MAST2: variants seen among roughly 807,000 people sequenced by gnomAD.
MAST2 encodes microtubule associated serine/threonine kinase 2.
Under a neutral mutation model 147.4 loss-of-function variants are expected in MAST2, and 70 were observed. The observed-to-expected ratio is 0.47, with a 90% confidence interval of 0.39 to 0.58. The LOEUF (loss-of-function observed/expected upper bound fraction) is 0.58, where lower values mean the gene tolerates loss of function less well. Ranked by LOEUF, MAST2 falls within the 20% of genes least tolerant of loss-of-function variation. The pLI is 0.00. For missense variants in MAST2, 2,080 were observed against 2,302.3 expected (o/e 0.90, Z 1.98); for synonymous variants, 869 against 896.8 (o/e 0.97, Z 0.55).
intron 3 of MAST2, among the ~76,000 whole-genome samples, chr1:45,835,843 A>G (rs1226913249): frequency 1.3e-5 from 2 of 152,212 alleles, no homozygotes; most frequent in Non-Finnish European, 2.9e-5. Flanking sequence ...TTTCATATAA[A>G]TGGAATCATA....
intron 16 of MAST2, among the ~76,000 whole-genome samples, chr1:46,026,122 C>T (rs956911325): frequency 3.9e-5 from 6 of 152,134 alleles, no homozygotes; most frequent in Admixed American, 2.6e-4. Flanking sequence ...AGTGTCCTGA[C>T]GTTTACTGAC....
At chr1:46,032,095 G>C (rs556729121) in intron 24 of MAST2, 83 bp from the exon 25 acceptor site, 12 of 1,037,396 alleles carry the variant, frequency 1.2e-5, no homozygotes, top group Non-Finnish European at 1.7e-5. Flanking sequence ...TCTGTGACTA[G>C]AGTTGTGCTG....
chr1:45,854,945 A>G (rs1025637084), intron 3 of MAST2, among the ~76,000 whole-genome samples: 1 of 152,234 alleles, frequency 6.6e-6, no homozygotes, highest in Non-Finnish European at 1.5e-5. Flanking sequence ...ACATAGGATG[A>G]GGCAGGTGGG....
At chr1:45,990,986 T>C (rs1386760886) in intron 5 of MAST2, among the ~76,000 whole-genome samples, 1 of 152,216 alleles carries the variant, frequency 6.6e-6, no homozygotes, top group Non-Finnish European at 1.5e-5. Flanking sequence ...TATGTTATCA[T>C]ATACAAGTTT....
chr1:46,026,815 A>C lies in MAST2; in HGVS notation c.1920-916A>C, dbSNP rs542340054. On this transcript the variant is annotated intron_variant, in intron 16 of 28. Coordinates refer to ENST00000361297, the MANE Select transcript of MAST2 (RefSeq NM_015112.3). ...CTGTGGAAGAAAGTGGCTTTGACATAAGACAGACCTGAATTCAAATGGCCA... is the reference window on the plus strand; with the variant it reads ...CTGTGGAAGAAAGTGGCTTTGACATCAGACAGACCTGAATTCAAATGGCCA... Among the ~76,000 whole-genome samples the C allele has an allele frequency of 1.9e-4, 29 of 152,284 alleles. No homozygotes were observed. In the East Asian group the frequency reaches 5.2e-3, roughly 27 times the overall value.
At chr1:45,916,776 A>T (rs570530241) in intron 4 of MAST2, among the ~76,000 whole-genome samples, 3 of 152,322 alleles carry the variant, frequency 2.0e-5, no homozygotes, top group South Asian at 2.1e-4. Flanking sequence ...TTTGCCCAGA[A>T]ACCAATTCTA....
At chr1:45,893,180 A>T (rs114964837) in intron 4 of MAST2, among the ~76,000 whole-genome samples, 68 of 152,198 alleles carry the variant, frequency 4.5e-4, no homozygotes, top group African/African-American at 1.6e-3. Flanking sequence ...TTACCAAGTA[A>T]ACATTTTCAG....
At chr1:45,982,897 A>C (rs1013070520) in intron 5 of MAST2, among the ~76,000 whole-genome samples, 2 of 152,230 alleles carry the variant, frequency 1.3e-5, no homozygotes, top group Non-Finnish European at 2.9e-5. Flanking sequence ...GTTTAATTGC[A>C]GTATACCCAA....
At chr1:45,940,473 T>C (rs1657076371) in intron 4 of MAST2, among the ~76,000 whole-genome samples, 1 of 152,154 alleles carries the variant, frequency 6.6e-6, no homozygotes, top group Admixed American at 6.5e-5. Context: ...ACATTGACTT[T>C]TGTCTATCTG....
intron 16 of MAST2, among the ~76,000 whole-genome samples, chr1:46,027,458 TG>T (rs1362885238): frequency 1.3e-5 from 2 of 152,218 alleles, no homozygotes; most frequent in African/African-American, 4.8e-5. Flanking sequence ...GAATGACTCC[TG>T]CCCCCAACAT....
intron 11 of MAST2, among the ~76,000 whole-genome samples, 194 bp from the exon 12 acceptor site, chr1:46,021,756 G>T (rs1646191854): frequency 6.6e-6 from 1 of 152,220 alleles, no homozygotes; most frequent in South Asian, 2.1e-4. Context: ...CCAATCTGGA[G>T]GTGACCTGTA....
chr1:45,823,401 T>C (rs897394740), intron 1 of MAST2, among the ~76,000 whole-genome samples: 6 of 151,876 alleles, frequency 4.0e-5, no homozygotes, highest in African/African-American at 1.5e-4. Context: ...AGTGACATGA[T>C]CTTGGATCAC....
intron 1 of MAST2, among the ~76,000 whole-genome samples, chr1:45,816,741 C>T (rs1194724596): frequency 9.9e-5 from 15 of 152,030 alleles, no homozygotes; most frequent in African/African-American, 2.7e-4. Context: ...AGTGCAGTGG[C>T]GTAATGGCTC....
At chr1:46,024,640 A>G (rs1164610691) in intron 15 of MAST2, among the ~76,000 whole-genome samples, 2 of 152,248 alleles carry the variant, frequency 1.3e-5, no homozygotes, top group Non-Finnish European at 2.9e-5. Flanking sequence ...AGGAAGTAAC[A>G]TGAACAGATG....
chr1:45,870,499 T>C (rs1646339842), intron 3 of MAST2, among the ~76,000 whole-genome samples: 1 of 146,780 alleles, frequency 6.8e-6, no homozygotes, highest in South Asian at 2.2e-4. Context: ...TTGTTATTTA[T>C]TGAGATCAAT....
Position 45,810,724 on chromosome 1 carries a change from T to C in MAST2, c.177+6652T>C, listed in dbSNP as rs537933107. ...TACTTGGGAGGCTGAGGCAGGAGAA[T>C]TGCTTGAACCCGGGAGGTGGAGGTT... On this transcript the variant is annotated intron_variant, in intron 1 of 28. Coordinates refer to ENST00000361297, the MANE Select transcript of MAST2 (RefSeq NM_015112.3). 4.1e-5 allele frequency among the ~76,000 whole-genome samples: 6 copies of C among 146,874 alleles called. No individual in the cohort carries two copies. In the South Asian group the frequency reaches 1.1e-3, roughly 27 times the overall value.
chr1:45,995,158 AATAT>A (rs1487870868), intron 5 of MAST2, among the ~76,000 whole-genome samples: 1 of 152,004 alleles, frequency 6.6e-6, no homozygotes, highest in Non-Finnish European at 1.5e-5. Flanking sequence ...CCATAATTTA[AATAT>A]ATTGCTCTGC....
chr1:45,847,773 C>T (rs554114110), intron 3 of MAST2, among the ~76,000 whole-genome samples: 3 of 152,036 alleles, frequency 2.0e-5, no homozygotes, highest in Admixed American at 1.3e-4. Context: ...AGTCTGGTCT[C>T]GAACTCCTGG....
chr1:45,854,976 C>A (rs775894002), intron 3 of MAST2, among the ~76,000 whole-genome samples: 2 of 152,160 alleles, frequency 1.3e-5, no homozygotes, highest in South Asian at 4.1e-4. Context: ...GAGCTTCACC[C>A]GCTCTGGGCT....
Sources: allele counts gnomAD v4.1 joint callset (sites outside exome capture counted in the v4.1 genomes callset), GRCh38; gene constraint gnomAD v4.1.1; transcripts MANE v1.5; gene names NCBI Gene and HGNC (gene_info 2026-07-23, HGNC 2026-07-21).